The following DCDC2B variants were observed in gnomAD, a reference collection of about 807,000 sequenced individuals.
DCDC2B encodes doublecortin domain containing 2B.
DCDC2B carries 41 observed loss-of-function variants against 38.9 expected under a neutral mutation model. The observed-to-expected ratio is 1.05, with a 90% CI of 0.82 to 1.37. The LOEUF (loss-of-function observed/expected upper bound fraction) is 1.37. Ranked by LOEUF, DCDC2B falls within the 40% of genes most tolerant of loss-of-function variation. The probability of loss-of-function intolerance (pLI) is 0.00; values close to 1 mark genes in which losing one functional copy is unlikely to be tolerated. For missense variants in DCDC2B, 453 were observed against 427.2 expected (o/e 1.06, Z -0.53); for synonymous variants, 181 against 171.9 (o/e 1.05, Z -0.41).
chr1:32,214,661 G>A (rs1339257546), intron 6 of DCDC2B, 136 bp from the exon 7 acceptor site: 5 of 1,287,584 alleles, frequency 3.9e-6, no homozygotes, highest in African/African-American at 1.5e-5. Context: ...GAGGGAGGAC[G>A]TACTTTGTGA....
At position 32,214,865 on chromosome 1, in the gene DCDC2B, T is replaced by A; in HGVS notation, c.783T>A (p.Ala261=). ...AACCAGACCGAATTAAGCCATCTGCTTTCTATGCCAGACCCCAGCAGACCA... is the reference window on the plus strand; with the variant it reads ...AACCAGACCGAATTAAGCCATCTGCATTCTATGCCAGACCCCAGCAGACCA... The part of the protein sequence containing the change: ...PKEPDRIKPS[A]FYARPQQTIQ... Residue 261 remains alanine, a synonymous_variant, in exon 7 of 9, where the codon GCT becomes GCA. Coordinates refer to ENST00000409358, the MANE Select transcript of DCDC2B (RefSeq NM_001099434.2). 1 of 1,613,920 alleles carries A rather than the reference T, an allele frequency of 6.2e-7. No homozygotes were observed. Among genetic ancestry groups the A allele is most frequent in the Non-Finnish European group, 8.5e-7 (1 of 1,179,866 alleles).
At position 32,211,278 on chromosome 1, in the gene DCDC2B, A is replaced by G; in HGVS notation, c.273A>G (p.Leu91=). The G allele has an allele frequency of 6.2e-7, 1 of 1,613,716 alleles. No individual in the cohort carries two copies. The highest frequency in any genetic ancestry group is 2.2e-5 in the East Asian group (1 of 44,878). ...GFERFHKLHY[L]PHRGKDPGGK... ...GATCTATCTGTCCTTTCAGCTATTT[A>G]CCCCATAGAGGGAAGGACCCAGGTG... Residue 91 remains leucine (L), a synonymous_variant, in exon 2 of 9, where the codon TTA becomes TTG. Coordinates refer to ENST00000409358, the MANE Select transcript of DCDC2B (RefSeq NM_001099434.2).
At position 32,209,164 on chromosome 1, in the gene DCDC2B, C is replaced by T. The variant is rs1376293322; in HGVS notation, c.71C>T (p.Ser24Phe). 2 of 1,614,008 alleles carry T rather than the reference C, an allele frequency of 1.2e-6. No homozygotes were observed. The highest frequency in any genetic ancestry group is 1.7e-6 in the Non-Finnish European group (2 of 1,179,890). ...AATGGGGACCCATTCTTCCCAGGCT[C>T]CCAGCTGGTGGTGACTCAACGCCGC... is the stretch of plus-strand genomic sequence containing the variant. ...YRNGDPFFPG[S>F]QLVVTQRRFP... is the part of the protein sequence containing the mutation. Residue 24 changes from serine to phenylalanine, a missense_variant, in exon 1 of 9, where the codon TCC becomes TTC. Transcript: ENST00000409358.
chr1:32,215,427 C>T lies in DCDC2B; in HGVS notation c.851-13C>T, dbSNP rs776234848. On this transcript the variant is annotated splice_polypyrimidine_tract_variant and intron_variant, in intron 7 of 8. Transcript: ENST00000409358. ...CAGCCTGGGCATCACCCAGTGCTGCCTCCCCTCTTTAGGAGTTATAGGAGT... is the reference window on the plus strand; with the variant it reads ...CAGCCTGGGCATCACCCAGTGCTGCTTCCCCTCTTTAGGAGTTATAGGAGT... 1 of 1,604,880 alleles carries T rather than the reference C, an allele frequency of 6.2e-7. No individual in the cohort carries two copies. The highest frequency in any genetic ancestry group is 8.5e-7 in the Non-Finnish European group (1 of 1,175,514).
intron 7 of DCDC2B, 134 bp from the exon 8 acceptor site, chr1:32,215,306 T>C (rs1166496824): frequency 1.3e-6 from 1 of 747,602 alleles, no homozygotes; most frequent in Non-Finnish European, 2.2e-6. Context: ...TCTCACTTCC[T>C]TGCCATCCTG....
rs4012160 is a variant in DCDC2B at position 32,213,503 on chromosome 1, A to ATT, written c.714+732_714+733dup. 7.8e-3 allele frequency among the ~76,000 whole-genome samples: 904 copies of ATT among 116,502 alleles called. 22 individuals are homozygous for ATT. The highest frequency in any genetic ancestry group is 0.028 in the African/African-American group (777 of 27,720). The allele number at this position is 116,502 out of a possible 152,430, so 76.4% of individuals were successfully genotyped here. A position where few individuals can be genotyped will look rare whatever the true frequency, so the allele number is the denominator to read the frequency against. ...AGGTATGTGCCACCACACCCGGCTA[A>ATT]TTTTTTTTTTTTTTTTTTTTTTTGA... On this transcript the variant is annotated intron_variant, in intron 6 of 8. Transcript: ENST00000409358.
intron 8 of DCDC2B, 106 bp from the exon 9 acceptor site, chr1:32,215,696 C>G: frequency 8.7e-7 from 1 of 1,145,378 alleles, no homozygotes; most frequent in Non-Finnish European, 1.2e-6. Flanking sequence ...GAAGCAGTTC[C>G]TAATTTCCAG....
At chr1:32,215,302 T>C in intron 7 of DCDC2B, 138 bp from the exon 8 acceptor site, 1 of 733,276 alleles carries the variant, frequency 1.4e-6, no homozygotes, top group Non-Finnish European at 2.2e-6. Context: ...CACCTCTCAC[T>C]TCCTTGCCAT....
chr1:32,215,818 T>C lies in DCDC2B; in HGVS notation c.971T>C (p.Val324Ala). 2 of 1,552,592 alleles carry C rather than the reference T, an allele frequency of 1.3e-6. No individual in the cohort carries two copies. The highest frequency in any genetic ancestry group is 2.4e-5 in the East Asian group (1 of 41,024). Residue 324 changes from valine to alanine, a missense_variant, in exon 9 of 9, where the codon GTG (valine) becomes GCG (alanine). Physicochemically the swap from Val to Ala is moderately conservative, Grantham distance 64. Coordinates refer to ENST00000409358, the MANE Select transcript of DCDC2B (RefSeq NM_001099434.2). ...CTCCTGCAGAGGGCAGCACAGATAG[T>C]GGAAGAGGCCTTGTCCCTGGAAAAC... ...EPLDQRAAQI[V>A]EEALSLENQP...
In DCDC2B at chr1:32,209,225, A is replaced by G; in HGVS notation, c.132A>G (p.Thr44=). The part of the protein sequence containing the change: ...PTMEAFLCEV[T]SAVQAPLAVR... ...TGGAGGCCTTCCTCTGCGAGGTGAC[A>G]TCAGCTGTGCAGGCCCCACTGGCTG... The change falls in exon 1 of 9, where the codon ACA becomes ACG. Residue 44 remains threonine (T), a synonymous_variant. Coordinates refer to ENST00000409358, the MANE Select transcript of DCDC2B (RefSeq NM_001099434.2). 1 of 1,613,990 alleles carries G rather than the reference A, an allele frequency of 6.2e-7. No homozygotes were observed. Among genetic ancestry groups the G allele is most frequent in the Non-Finnish European group, 8.5e-7 (1 of 1,179,872 alleles).
intron 6 of DCDC2B, 48 bp downstream of exon 6, chr1:32,212,841 G>A (rs370647520): frequency 1.9e-6 from 3 of 1,597,144 alleles, no homozygotes; most frequent in African/African-American, 1.3e-5. Flanking sequence ...GGGAGTGACT[G>A]GCTGACAACT....
Position 32,211,748 on chromosome 1 carries a change from A to C in DCDC2B, c.319-13A>C. The C allele has an allele frequency of 6.3e-7, 1 of 1,599,762 alleles. No individual in the cohort carries two copies. The highest frequency in any genetic ancestry group is 8.5e-7 in the Non-Finnish European group (1 of 1,173,458). On this transcript the variant is annotated splice_polypyrimidine_tract_variant and intron_variant, in intron 2 of 8. Transcript: ENST00000409358. ...CCAACTCTCCTGATTTGGAGGCCTG[A>C]CATGGGTTTCAGGGTCCTCCCGTGA...
intron 4 of DCDC2B, 94 bp downstream of exon 4, chr1:32,212,295 C>A: frequency 6.4e-7 from 1 of 1,566,660 alleles, no homozygotes; most frequent in Admixed American, 1.8e-5. Flanking sequence ...AAAAGGAAAG[C>A]ATGTTCCCCC....
At chr1:32,215,677 T>C in intron 8 of DCDC2B, 125 bp from the exon 9 acceptor site, 1 of 1,106,482 alleles carries the variant, frequency 9.0e-7, no homozygotes. Flanking sequence ...TCCTACCTTG[T>C]TAAATGAGGA....
At chr1:32,213,457 CT>C (rs1643668757) in intron 6 of DCDC2B, among the ~76,000 whole-genome samples, 1 of 151,812 alleles carries the variant, frequency 6.6e-6, no homozygotes, top group Non-Finnish European at 1.5e-5. Context: ...CTGCCTCAGC[CT>C]CCCGAGTAGC....
intron 1 of DCDC2B, among the ~76,000 whole-genome samples, chr1:32,210,984 G>A (rs531913941): frequency 6.6e-6 from 1 of 152,290 alleles, no homozygotes; most frequent in Admixed American, 6.5e-5. Context: ...GGGATTACAG[G>A]CGTGAGCTGC....
intron 1 of DCDC2B, 46 bp from the exon 2 acceptor site, chr1:32,211,226 G>A: frequency 6.3e-7 from 1 of 1,579,048 alleles, no homozygotes; most frequent in Non-Finnish European, 8.7e-7. Flanking sequence ...AGGCTATTGA[G>A]GCCTCAGTCT....
At chr1:32,213,932 G>GT (rs1351281301) in intron 6 of DCDC2B, among the ~76,000 whole-genome samples, 1 of 151,908 alleles carries the variant, frequency 6.6e-6, no homozygotes, top group African/African-American at 2.4e-5. Flanking sequence ...GATTACAGTC[G>GT]TGAGCCACCT....
In DCDC2B at chr1:32,212,697, G is replaced by A. The variant is rs368957747; in HGVS notation, c.675-57G>A. 8.1e-6 allele frequency: 13 copies of A among 1,612,904 alleles called. No individual in the cohort carries two copies. In the African/African-American group the frequency reaches 1.3e-4, roughly 17 times the overall value. ...GCAGAGGAAGCCACCCTCTGGGTCT[G>A]TGTGCTTTGACTCTATGCCCTCTGC... On this transcript the variant is annotated intron_variant, in intron 5 of 8. Transcript: ENST00000409358.
Sources: allele counts gnomAD v4.1 joint callset (sites outside exome capture counted in the v4.1 genomes callset), GRCh38; gene constraint gnomAD v4.1.1; transcripts MANE v1.5; gene names NCBI Gene and HGNC (gene_info 2026-07-23, HGNC 2026-07-21).